Variants in ASMTL observed in about 807,000 individuals in gnomAD.
The protein encoded by ASMTL is acetylserotonin O-methyltransferase like.
Under a neutral mutation model 60.3 loss-of-function variants are expected in ASMTL, and 57 were observed. The ratio of observed to expected loss-of-function variants is 0.95; its 90% CI spans 0.76 to 1.18. The LOEUF (loss-of-function observed/expected upper bound fraction) is 1.18. Among genes scored for constraint, ASMTL ranks in the 50% most tolerant of loss-of-function variants. ASMTL has a pLI of 0.00. For synonymous variants in ASMTL, 419 were observed against 373.0 expected (o/e 1.12, Z -1.42); for missense variants, 981 against 852.6 (o/e 1.15, Z -1.88).
chrX:1,406,071 AT>A (rs1404088904), intron 12 of ASMTL, among the ~76,000 whole-genome samples: 1 of 150,094 alleles, frequency 6.7e-6, no homozygotes, highest in Non-Finnish European at 1.5e-5. Context: ...AGATGGAGGC[AT>A]GGATGAGATG....
intron 1 of ASMTL, among the ~76,000 whole-genome samples, chrX:1,446,846 C>T (rs376351920): frequency 3.3e-5 from 5 of 152,108 alleles, no homozygotes; most frequent in African/African-American, 1.2e-4. Context: ...AAAGAAAAAT[C>T]GTGTTTGAAA....
chrX:1,450,618 GTT>G (rs2091341021), intron 1 of ASMTL, among the ~76,000 whole-genome samples: 1 of 122,836 alleles, frequency 8.1e-6, no homozygotes, highest in South Asian at 2.9e-4. Context: ...ATCCCTAGGG[GTT>G]CTGGGTCACT....
At chrX:1,435,574 C>T in intron 4 of ASMTL, 120 bp downstream of exon 4, 1 of 937,748 alleles carries the variant, frequency 1.1e-6, no homozygotes, top group Non-Finnish European at 1.7e-6. Flanking sequence ...GCTCAGACAG[C>T]ACAGCTCAGA....
In ASMTL at chrX:1,450,078, CCCCATCACCAGTAACTAT is replaced by C. The variant is rs1262171906; in HGVS notation, c.93+2652_93+2669del. 5.5e-3 allele frequency among the ~76,000 whole-genome samples: 832 copies of C among 151,604 alleles called. 17 individuals carry two copies. Among genetic ancestry groups the C allele is most frequent in the Admixed American group, 0.04 (603 of 15,232 alleles). On this transcript the variant is annotated intron_variant, in intron 1 of 12. Transcript: ENST00000381317. Reference sequence around the variant, plus strand: ...ATCCTTCCATCACCAGTAACTATGCCCCCATCACCAGTAACTATCCCATCACCAGTAACTATCACCCCA... The same window carrying C: ...ATCCTTCCATCACCAGTAACTATGCCCCCATCACCAGTAACTATCACCCCA...
intron 2 of ASMTL, among the ~76,000 whole-genome samples, chrX:1,440,272 A>C (rs1455095085): frequency 1.3e-5 from 2 of 151,940 alleles, no homozygotes; most frequent in Admixed American, 6.6e-5. Context: ...GTGTGTTTTT[A>C]GTACAGACGG....
At chrX:1,417,001 GCA>G (rs373258685) in intron 11 of ASMTL, among the ~76,000 whole-genome samples, 23 of 146,400 alleles carry the variant, frequency 1.6e-4, no homozygotes, top group African/African-American at 5.0e-4. Flanking sequence ...ACAGAGATGT[GCA>G]CACACAGACT....
chrX:1,440,070 C>T (rs1393501424), intron 2 of ASMTL, among the ~76,000 whole-genome samples: 1 of 150,366 alleles, frequency 6.7e-6, no homozygotes, highest in Non-Finnish European at 1.5e-5. Flanking sequence ...AGCCTTACCT[C>T]TAATGTATTT....
intron 1 of ASMTL, among the ~76,000 whole-genome samples, chrX:1,443,732 C>A: frequency 7.1e-6 from 1 of 140,566 alleles, no homozygotes. Flanking sequence ...CACACACCCC[C>A]ATCGTGGACA....
rs762689958 is a variant in ASMTL at position 1,412,097 on chromosome X, G to A, written c.1645+635C>T. Among the ~76,000 whole-genome samples the A allele has an allele frequency of 2.3e-4, 35 of 151,848 alleles. 1 individual carries two copies. Among genetic ancestry groups the A allele is most frequent in the South Asian group, 2.1e-3 (10 of 4,806 alleles). ...CTCCCGAAGTGCGGGGATGACAGGC[G>A]TGAGCCACCACACCTGGCCACACTG... On this transcript the variant is annotated intron_variant, in intron 12 of 12. Coordinates refer to ENST00000381317, the MANE Select transcript of ASMTL (RefSeq NM_004192.4).
Position 1,428,988 on chromosome X carries a change from CT to C in ASMTL, c.510-868del, listed in dbSNP as rs1358543485. ...CTCGGCTCCCTGCAACCTCCGCCTC[CT>C]GGGTTCAAGCGATTCTCCTGCCTCA... On this transcript the variant is annotated intron_variant, in intron 6 of 12. Coordinates refer to ENST00000381317, the MANE Select transcript of ASMTL (RefSeq NM_004192.4). 7.9e-5 allele frequency among the ~76,000 whole-genome samples: 12 copies of C among 151,626 alleles called. 1 individual carries two copies. The highest frequency in any genetic ancestry group is 2.9e-4 in the African/African-American group (12 of 41,320).
At chrX:1,452,253 G>T (rs1382813216) in intron 1 of ASMTL, among the ~76,000 whole-genome samples, 2 of 143,106 alleles carry the variant, frequency 1.4e-5, no homozygotes, top group Non-Finnish European at 3.1e-5. Context: ...ATCCCTAGGG[G>T]TCCCGGGTTA....
intron 12 of ASMTL, among the ~76,000 whole-genome samples, chrX:1,403,858 T>G (rs1467763215): frequency 6.6e-6 from 1 of 151,504 alleles, no homozygotes; most frequent in Non-Finnish European, 1.5e-5. Flanking sequence ...AGATGGTAAG[T>G]GATGGGGAGG....
At position 1,435,051 on chromosome X, in the gene ASMTL, C is replaced by A; in HGVS notation, c.371G>T (p.Gly124Val). Residue 124 changes from glycine to valine, a missense_variant, in exon 5 of 13, where the codon GGT (glycine) becomes GTT (valine). Coordinates refer to ENST00000381317, the MANE Select transcript of ASMTL (RefSeq NM_004192.4). ...LSGREHSVFT[G>V]VAIVHCSSKD... ...GCTGGAGCAGTGGACGATCGCGACA[C>A]CTGTGAACACGCTGTGTTCTCTCCC... is the stretch of plus-strand genomic sequence containing the variant. 2 of 1,613,598 alleles carry A rather than the reference C, an allele frequency of 1.2e-6. No individual in the cohort carries two copies. The highest frequency in any genetic ancestry group is 1.7e-5 in the Admixed American group (1 of 59,970).
At chrX:1,453,388 C>T (rs1399527302), upstream of ASMTL, among the ~76,000 whole-genome samples, 15 of 151,656 alleles carry the variant, frequency 9.9e-5, no homozygotes, top group Admixed American at 9.8e-4. Context: ...GGTGAAGCAC[C>T]GCCCCCAGCT....
intron 12 of ASMTL, among the ~76,000 whole-genome samples, chrX:1,410,224 C>G (rs6645282): frequency 0.016 from 6 of 378 alleles, 2 homozygotes; most frequent in Admixed American, 0.021. Context: ...TCGCTTGAGC[C>G]CAGGAGGTCA....
chrX:1,436,445 C>T (rs1367646825), intron 3 of ASMTL, among the ~76,000 whole-genome samples: 4 of 151,632 alleles, frequency 2.6e-5, no homozygotes, highest in Admixed American at 6.6e-5. Context: ...CTCCGCCTCC[C>T]GGGTTCACGC....
chrX:1,421,508 G>A (rs1281653509), intron 9 of ASMTL, 150 bp downstream of exon 9: 157 of 764,734 alleles, frequency 2.1e-4, no homozygotes, highest in Admixed American at 2.7e-4. Context: ...CAAGAGCCAC[G>A]GCACTAAGTT....
chrX:1,419,383 G>A (rs2090411114), intron 9 of ASMTL, among the ~76,000 whole-genome samples: 1 of 152,192 alleles, frequency 6.6e-6, no homozygotes, highest in African/African-American at 2.4e-5. Context: ...CCAAGCGTCT[G>A]ACTTTCGCAG....
At position 1,427,925 on chromosome X, in the gene ASMTL, C is replaced by G; in HGVS notation, c.706G>C (p.Glu236Gln). ...CCCCCCTCCACGTCACTGAGGTCTTCGAAGGTGTCCGCGGCCGGGATGGAG... is the reference window on the plus strand; with the variant it reads ...CCCCCCTCCACGTCACTGAGGTCTTGGAAGGTGTCCGCGGCCGGGATGGAG... The part of the protein sequence containing the change: ...HDSIPAADTF[E>Q]DLSDVEGGGS... The change falls in exon 7 of 13, where the codon GAA (glutamate) becomes CAA (glutamine). Residue 236 changes from glutamate (E) to glutamine (Q), a missense_variant. Physicochemically the swap from Glu to Gln is conservative, Grantham distance 29. Coordinates refer to ENST00000381317, the MANE Select transcript of ASMTL (RefSeq NM_004192.4). The G allele has an allele frequency of 1.2e-6, 2 of 1,613,398 alleles. No homozygotes were observed. Among genetic ancestry groups the G allele is most frequent in the Non-Finnish European group, 1.7e-6 (2 of 1,179,832 alleles).
Sources: gnomAD v4.1 joint callset for allele counts (sites outside exome capture counted in the v4.1 genomes callset) on GRCh38, gnomAD v4.1.1 for gene constraint, MANE v1.5 for transcripts, NCBI Gene and HGNC (gene_info 2026-07-23, HGNC 2026-07-21) for gene names.